FRMD4A: variants seen among roughly 807,000 people sequenced by gnomAD.
FRMD4A encodes FERM domain-containing protein 4A.
FRMD4A carries 29 observed loss-of-function variants against 129.1 expected under a neutral mutation model. That is an observed-to-expected ratio of 0.22 (90% confidence interval 0.17 to 0.31). The LOEUF (loss-of-function observed/expected upper bound fraction) is 0.31. Among genes scored for constraint, FRMD4A ranks in the 10% least tolerant of loss-of-function variants. The pLI is 1.00. For missense variants in FRMD4A, 1,272 were observed against 1,375.8 expected (o/e 0.92, Z 1.19); for synonymous variants, 634 against 571.6 (o/e 1.11, Z -1.56).
At chr10:13,800,522 A>T (rs1002764230) in intron 4 of FRMD4A, among the ~76,000 whole-genome samples, 1 of 152,212 alleles carries the variant, frequency 6.6e-6, no homozygotes, top group South Asian at 2.1e-4. Flanking sequence ...TCAAAGAATA[A>T]GGAGGACCTG....
At chr10:13,699,054 C>CT (rs34061856) in intron 14 of FRMD4A, among the ~76,000 whole-genome samples, 41,921 of 128,034 alleles carry the variant, frequency 0.33, 7,741 homozygotes, top group Non-Finnish European at 0.43. Flanking sequence ...CTACAATAAT[C>CT]TTTTTTTTTT....
intron 2 of FRMD4A, among the ~76,000 whole-genome samples, chr10:14,319,722 G>C (rs571783648): frequency 4.6e-5 from 7 of 152,186 alleles, no homozygotes; most frequent in African/African-American, 1.7e-4. Flanking sequence ...GGATTTCTGA[G>C]CTTCAGTGCC....
chr10:13,657,953 C>G (rs1046889034), intron 21 of FRMD4A, among the ~76,000 whole-genome samples: 1 of 151,626 alleles, frequency 6.6e-6, no homozygotes, highest in Non-Finnish European at 1.5e-5. Flanking sequence ...CCATCCTGTG[C>G]AACACTGTAA....
At chr10:13,750,088 G>GA (rs1554880551) in intron 8 of FRMD4A, among the ~76,000 whole-genome samples, 2 of 79,024 alleles carry the variant, frequency 2.5e-5, no homozygotes, top group Non-Finnish European at 5.0e-5. Flanking sequence ...AAGAAAGAAA[G>GA]AAAGAAAGAA....
intron 2 of FRMD4A, among the ~76,000 whole-genome samples, chr10:14,029,867 A>G (rs1392224736): frequency 3.3e-5 from 5 of 151,306 alleles, no homozygotes; most frequent in African/African-American, 1.2e-4. Flanking sequence ...TGATTTTTGT[A>G]TATGGTATAA....
intron 12 of FRMD4A, among the ~76,000 whole-genome samples, chr10:13,708,112 G>A (rs1028267544): frequency 3.9e-5 from 6 of 152,222 alleles, no homozygotes; most frequent in Non-Finnish European, 8.8e-5. Flanking sequence ...CGGAAAGAAG[G>A]GGTAAAGTAG....
intron 2 of FRMD4A, among the ~76,000 whole-genome samples, chr10:13,898,129 T>C (rs1187876295): frequency 6.6e-6 from 1 of 151,838 alleles, no homozygotes; most frequent in Non-Finnish European, 1.5e-5. Flanking sequence ...TCCCAGCACT[T>C]TGGGAGGCCA....
rs960695641 is a variant in FRMD4A, at chr10:13,656,765, G to A, written c.2824C>T (p.His942Tyr). 2 of 1,598,898 alleles carry A rather than the reference G, an allele frequency of 1.3e-6. No homozygotes were observed. Among genetic ancestry groups the A allele is most frequent in the African/African-American group, 1.4e-5 (1 of 73,732 alleles). ...GAGCTGGTGTGCGACAGGCGGCTGT[G>A]CTCCTTGTGCGAGGCGGTGGAACGC... is the stretch of plus-strand genomic sequence containing the variant. ...YQRSTASHKEHSRLSHTSSTS... is the reference protein window; with the variant it reads ...YQRSTASHKEYSRLSHTSSTS... Residue 942 changes from histidine (H) to tyrosine (Y), a missense_variant, in exon 22 of 25, where the codon CAC becomes TAC. Transcript: ENST00000357447.
At chr10:13,702,011 T>C (rs184027882) in intron 13 of FRMD4A, among the ~76,000 whole-genome samples, 11 of 152,296 alleles carry the variant, frequency 7.2e-5, no homozygotes, top group African/African-American at 2.4e-4. Context: ...GTATAAAGAA[T>C]CAGGAGAAGA....
intron 2 of FRMD4A, among the ~76,000 whole-genome samples, chr10:14,277,809 A>G (rs1845391922): frequency 6.6e-6 from 1 of 152,152 alleles, no homozygotes; most frequent in Admixed American, 6.5e-5. Context: ...AGGGAGGCCC[A>G]CTCAGCAGGG....
At chr10:13,848,074 TGA>T (rs2094079620) in intron 3 of FRMD4A, among the ~76,000 whole-genome samples, 1 of 152,328 alleles carries the variant, frequency 6.6e-6, no homozygotes, top group African/African-American at 2.4e-5. Context: ...CATTGTGAGT[TGA>T]GTTTGTTTTA....
chr10:13,863,898 A>G (rs778023731), intron 2 of FRMD4A, among the ~76,000 whole-genome samples: 1 of 152,208 alleles, frequency 6.6e-6, no homozygotes, highest in Non-Finnish European at 1.5e-5. Flanking sequence ...GTCATAAGAC[A>G]GCAACTTCAG....
chr10:13,697,212 G>A (rs943425309), intron 14 of FRMD4A, among the ~76,000 whole-genome samples: 35 of 150,038 alleles, frequency 2.3e-4, no homozygotes, highest in Non-Finnish European at 4.1e-4. Context: ...GGGGGAGTGC[G>A]GTGGCACGAT....
intron 2 of FRMD4A, among the ~76,000 whole-genome samples, chr10:13,947,066 G>C (rs951510177): frequency 6.6e-6 from 1 of 152,106 alleles, no homozygotes; most frequent in East Asian, 1.9e-4. Flanking sequence ...TTCCATCAAG[G>C]CATGTCTGAA....
At chr10:14,102,749 C>A in intron 2 of FRMD4A, among the ~76,000 whole-genome samples, 1 of 135,692 alleles carries the variant, frequency 7.4e-6, no homozygotes, top group African/African-American at 2.7e-5. Flanking sequence ...GTACAACTTT[C>A]TTGAGTCTTG....
intron 2 of FRMD4A, among the ~76,000 whole-genome samples, chr10:14,005,098 C>T (rs2095657251): frequency 6.6e-6 from 1 of 151,994 alleles, no homozygotes; most frequent in Admixed American, 6.6e-5. Flanking sequence ...TCTTGGCTCA[C>T]AGCAACCTCC....
chr10:14,109,155 C>A (rs1359198511), intron 2 of FRMD4A, among the ~76,000 whole-genome samples: 1 of 149,462 alleles, frequency 6.7e-6, no homozygotes, highest in Admixed American at 6.7e-5. Flanking sequence ...TACATAGTTT[C>A]TTGACTGAGA....
At position 14,094,028 on chromosome 10, in the gene FRMD4A, G is replaced by A. The variant is rs145573334; in HGVS notation, c.46-235116C>T. 7.0e-4 allele frequency among the ~76,000 whole-genome samples: 107 copies of A among 152,320 alleles called. 1 individual carries two copies. Among genetic ancestry groups the A allele is most frequent in the African/African-American group, 2.5e-3 (104 of 41,562 alleles). On this transcript the variant is annotated intron_variant, in intron 2 of 24. Transcript: ENST00000357447. ...GAGCAGGAGGATGGAGGCTTTTGCC[G>A]AAAAGGCCGTGGCAAGGACAATGAA...
intron 2 of FRMD4A, among the ~76,000 whole-genome samples, chr10:14,233,357 G>A (rs190450655): frequency 5.3e-4 from 80 of 152,268 alleles, no homozygotes; most frequent in Non-Finnish European, 1.1e-3. Flanking sequence ...ATCACCTGAG[G>A]TCAGGAGTTC....
Sources: allele counts gnomAD v4.1 joint callset (sites outside exome capture counted in the v4.1 genomes callset), GRCh38; gene constraint gnomAD v4.1.1; transcripts MANE v1.5; gene names NCBI Gene and HGNC (gene_info 2026-07-23, HGNC 2026-07-21).